Variants in FER observed in about 807,000 individuals in gnomAD.
FER encodes the protein FER tyrosine kinase.
In FER, 63 loss-of-function variants were observed where a neutral mutation model predicts 111.0. The ratio of observed to expected loss-of-function variants is 0.57; its 90% CI spans 0.46 to 0.70. The LOEUF (loss-of-function observed/expected upper bound fraction) is 0.70, where lower values mean the gene tolerates loss of function less well. Among genes scored for constraint, FER ranks in the 30% least tolerant of loss-of-function variants. FER has a pLI of 0.00. For synonymous variants in FER, 327 were observed against 313.9 expected (o/e 1.04, Z -0.44); for missense variants, 914 against 954.0 (o/e 0.96, Z 0.55).
intron 5 of FER, among the ~76,000 whole-genome samples, chr5:108,859,895 T>C (rs2150211227): frequency 6.7e-6 from 1 of 150,062 alleles, no homozygotes; most frequent in South Asian, 2.1e-4. Context: ...GGAAATTTAT[T>C]AAAAGTAGCA....
intron 17 of FER, among the ~76,000 whole-genome samples, chr5:109,105,018 C>T (rs947508439): frequency 3.9e-5 from 6 of 152,134 alleles, no homozygotes; most frequent in African/African-American, 9.7e-5. Flanking sequence ...GCTGGGATTA[C>T]AAGCATGAGC....
At chr5:109,066,885 T>C (rs1271192975) in intron 16 of FER, among the ~76,000 whole-genome samples, 1 of 152,202 alleles carries the variant, frequency 6.6e-6, no homozygotes, top group Admixed American at 6.5e-5. Context: ...ATTTCAAATT[T>C]TGATATGAAA....
chr5:109,016,024 A>G (rs1430614337), intron 13 of FER, among the ~76,000 whole-genome samples: 1 of 151,948 alleles, frequency 6.6e-6, no homozygotes. Context: ...ATTTAGTTTA[A>G]GGGTTACTAT....
intron 3 of FER, among the ~76,000 whole-genome samples, chr5:108,801,315 C>T (rs1394016434): frequency 1.3e-5 from 2 of 152,130 alleles, no homozygotes; most frequent in African/African-American, 2.4e-5. Flanking sequence ...AACCATAATG[C>T]GAGTCTATTT....
chr5:108,758,178 C>T (rs1024445282), intron 1 of FER, among the ~76,000 whole-genome samples: 4 of 152,150 alleles, frequency 2.6e-5, no homozygotes, highest in Non-Finnish European at 5.9e-5. Flanking sequence ...GGTCTTTCTA[C>T]AGATGTTACT....
intron 5 of FER, among the ~76,000 whole-genome samples, chr5:108,853,886 G>A (rs532086162): frequency 1.3e-4 from 20 of 152,292 alleles, no homozygotes; most frequent in African/African-American, 4.8e-4. Context: ...TAACCTTTTT[G>A]AGAATAGTCT....
At chr5:108,761,742 A>G (rs1751776379) in intron 1 of FER, among the ~76,000 whole-genome samples, 1 of 152,130 alleles carries the variant, frequency 6.6e-6, no homozygotes, top group South Asian at 2.1e-4. Context: ...AACAAGATAT[A>G]CTTGTCTGAT....
rs562649226 is a variant in FER at position 108,992,682 on chromosome 5, A to C, written c.1656+33335A>C. Among the ~76,000 whole-genome samples, 6 of 138,306 alleles carry C rather than the reference A, an allele frequency of 4.3e-5. No homozygotes were observed. The East Asian group carries it at 1.0e-3, about 24-fold the overall frequency. The allele number at this position is 138,306 out of a possible 152,430, so 90.7% of individuals were successfully genotyped here. ...GGGGCGGCTGGCCTGGCGGGGGCTG[A>C]CCCCCACCTCCCTCCCGGATGGGGT... On this transcript the variant is annotated intron_variant, in intron 13 of 19. Coordinates refer to ENST00000281092, the MANE Select transcript of FER (RefSeq NM_005246.4).
chr5:109,115,923 G>T (rs985471270), intron 17 of FER, among the ~76,000 whole-genome samples: 2 of 151,956 alleles, frequency 1.3e-5, no homozygotes, highest in African/African-American at 4.8e-5. Context: ...TTCTAACAGA[G>T]AATTCTATAA....
At chr5:109,080,543 T>TA (rs1776871062) in intron 16 of FER, among the ~76,000 whole-genome samples, 1 of 152,146 alleles carries the variant, frequency 6.6e-6, no homozygotes, top group African/African-American at 2.4e-5. Context: ...AGTTGATTCT[T>TA]ACAAATTTTA....
chr5:109,090,168 T>C (rs915918232), intron 16 of FER, among the ~76,000 whole-genome samples: 18 of 152,180 alleles, frequency 1.2e-4, no homozygotes, highest in African/African-American at 3.9e-4. Context: ...AGTGACTTGC[T>C]GTGGCAATGC....
At chr5:109,072,035 A>C (rs888028002) in intron 16 of FER, among the ~76,000 whole-genome samples, 5 of 151,874 alleles carry the variant, frequency 3.3e-5, no homozygotes, top group African/African-American at 1.2e-4. Context: ...AATATAAATC[A>C]GAAAGATATT....
chr5:109,019,846 A>T (rs969669643), intron 13 of FER, among the ~76,000 whole-genome samples: 9 of 151,902 alleles, frequency 5.9e-5, no homozygotes, highest in Non-Finnish European at 8.8e-5. Flanking sequence ...TTTATATATA[A>T]AAAATGTTTT....
intron 8 of FER, among the ~76,000 whole-genome samples, chr5:108,877,381 G>A (rs892738459): frequency 6.6e-6 from 1 of 152,198 alleles, no homozygotes; most frequent in African/African-American, 2.4e-5. Flanking sequence ...AAGTTGTATG[G>A]AAGAAAGCAG....
intron 5 of FER, among the ~76,000 whole-genome samples, chr5:108,861,560 T>C (rs928975721): frequency 2.0e-5 from 3 of 152,120 alleles, no homozygotes; most frequent in Non-Finnish European, 4.4e-5. Context: ...CCAATGCCTG[T>C]CATCATTTAA....
intron 10 of FER, among the ~76,000 whole-genome samples, chr5:108,899,768 C>T (rs1749737141): frequency 6.7e-6 from 1 of 149,588 alleles, no homozygotes; most frequent in South Asian, 2.1e-4. Flanking sequence ...CGTGCCACTG[C>T]ACTCCAGCCT....
chr5:108,841,804 C>T (rs908434436), intron 5 of FER: 1 of 419,840 alleles, frequency 2.4e-6, no homozygotes. Context: ...CTCAGTCTTC[C>T]TTTCTTTTTT....
intron 18 of FER, among the ~76,000 whole-genome samples, chr5:109,183,195 A>G (rs1291107327): frequency 6.6e-6 from 1 of 150,736 alleles, no homozygotes; most frequent in African/African-American, 2.4e-5. Context: ...AACCCAGAGA[A>G]GTTTAGTTCC....
chr5:108,864,912 G>C (rs1763880313), intron 5 of FER, among the ~76,000 whole-genome samples: 1 of 151,884 alleles, frequency 6.6e-6, no homozygotes, highest in African/African-American at 2.4e-5. Context: ...TTGGTAGCTT[G>C]ATGGGGATGG....
Sources: gnomAD v4.1 joint callset for allele counts (sites outside exome capture counted in the v4.1 genomes callset) on GRCh38, gnomAD v4.1.1 for gene constraint, MANE v1.5 for transcripts, NCBI Gene and HGNC (gene_info 2026-07-23, HGNC 2026-07-21) for gene names.